GRIN2A: variants seen among roughly 807,000 people sequenced by gnomAD.
The protein encoded by GRIN2A is glutamate receptor ionotropic, NMDA 2A.
A neutral mutation model predicts 113.4 loss-of-function variants in GRIN2A; 22 were observed. The observed-to-expected ratio is 0.19, with a 90% CI of 0.14 to 0.28. GRIN2A has a LOEUF of 0.28. Among genes scored for constraint, GRIN2A ranks in the 10% least tolerant of loss-of-function variants. The pLI is 1.00. For missense variants in GRIN2A, 1,502 were observed against 1,887.0 expected (o/e 0.80, Z 3.78); for synonymous variants, 827 against 738.4 (o/e 1.12, Z -1.94).
chr16:10,127,413 C>T (rs761148279), intron 2 of GRIN2A, among the ~76,000 whole-genome samples: 1 of 152,118 alleles, frequency 6.6e-6, no homozygotes, highest in Non-Finnish European at 1.5e-5. Flanking sequence ...TAAACACTAC[C>T]TCCCTACCCC....
intron 2 of GRIN2A, among the ~76,000 whole-genome samples, chr16:10,023,213 A>G (rs2133754): frequency 0.72 from 109,722 of 152,146 alleles, 41,122 homozygotes; most frequent in Non-Finnish European, 0.84. Flanking sequence ...GCTGCCCCCA[A>G]TGTTCAGCTG....
intron 2 of GRIN2A, among the ~76,000 whole-genome samples, chr16:9,991,918 G>A (rs1236952325): frequency 6.6e-6 from 1 of 152,158 alleles, no homozygotes; most frequent in Non-Finnish European, 1.5e-5. Context: ...TGGGCAAGGG[G>A]AGGGATAGCA....
rs190211242 is a variant in GRIN2A, at chr16:9,827,750, A to G, written c.2007+1673T>C. ...AGCGCTGCAAAAGGGATCCCAGGAG[A>G]TCCAGGTGGGGTATGCACAGTGTCC... On this transcript the variant is annotated intron_variant, in intron 9 of 12. Coordinates refer to ENST00000330684, the MANE Select transcript of GRIN2A (RefSeq NM_001134407.3). Among the ~76,000 whole-genome samples, 29 of 152,268 alleles carry G rather than the reference A, an allele frequency of 1.9e-4. No homozygotes were observed. In the East Asian group the frequency reaches 5.6e-3, roughly 30 times the overall value.
intron 2 of GRIN2A, among the ~76,000 whole-genome samples, chr16:10,073,946 C>T (rs963341960): frequency 8.7e-4 from 127 of 145,278 alleles, no homozygotes; most frequent in African/African-American, 2.9e-3. Context: ...GAAGTGAAAA[C>T]ACGACACACA....
At chr16:9,954,604 A>G (rs939545642) in intron 2 of GRIN2A, among the ~76,000 whole-genome samples, 2 of 152,160 alleles carry the variant, frequency 1.3e-5, no homozygotes, top group African/African-American at 2.4e-5. Context: ...CTCACACAAG[A>G]TGGTGATTAG....
intron 2 of GRIN2A, among the ~76,000 whole-genome samples, chr16:10,084,329 A>G (rs927170131): frequency 2.5e-4 from 38 of 152,268 alleles, no homozygotes; most frequent in African/African-American, 8.7e-4. Flanking sequence ...GGCTGAGCTC[A>G]CAGCCTCATA....
At chr16:9,949,422 G>A (rs1054336268) in intron 2 of GRIN2A, among the ~76,000 whole-genome samples, 5 of 151,922 alleles carry the variant, frequency 3.3e-5, no homozygotes, top group Non-Finnish European at 7.4e-5. Context: ...TGGATGGACA[G>A]GTGGATGGAT....
chr16:10,119,066 A>G (rs1246348927), intron 2 of GRIN2A, among the ~76,000 whole-genome samples: 1 of 152,210 alleles, frequency 6.6e-6, no homozygotes, highest in Non-Finnish European at 1.5e-5. Flanking sequence ...CTGTTCACCA[A>G]CCAGGAACAC....
chr16:10,039,833 G>GAGAGAGAGAGAGAGAGAGAGAGAGAGAC (rs2141954827), intron 2 of GRIN2A, among the ~76,000 whole-genome samples: 1 of 140,534 alleles, frequency 7.1e-6, no homozygotes, highest in East Asian at 2.3e-4. Flanking sequence ...GAGAGAGAGA[G>GAGAGAGAGAGAGAGAGAGAGAGAGAGAC]AGGAGTCCTG....
intron 12 of GRIN2A, among the ~76,000 whole-genome samples, chr16:9,765,837 C>T (rs1429782235): frequency 1.3e-5 from 2 of 152,200 alleles, no homozygotes; most frequent in African/African-American, 2.4e-5. Context: ...GTGACACCGC[C>T]TTTAAATCCA....
intron 2 of GRIN2A, among the ~76,000 whole-genome samples, chr16:10,046,744 T>C (rs1889925831): frequency 6.6e-6 from 1 of 152,156 alleles, no homozygotes; most frequent in African/African-American, 2.4e-5. Flanking sequence ...TCAAATGAGA[T>C]AGTGTGTATG....
rs577598122 is a variant in GRIN2A at position 9,972,919 on chromosome 16, CAG to C, written c.415-34370_415-34369del. 1.0e-3 allele frequency among the ~76,000 whole-genome samples: 155 copies of C among 152,274 alleles called. 5 individuals are homozygous for C. The South Asian group carries it at 0.023, about 22-fold the overall frequency. On this transcript the variant is annotated intron_variant, in intron 2 of 12. Coordinates refer to ENST00000330684, the MANE Select transcript of GRIN2A (RefSeq NM_001134407.3). ...TCAGTTTCCCCAAGAATACAGGGAT[CAG>C]AGTTTTTAAGGATAATTTGGTGGGT...
At chr16:10,090,255 A>T (rs2048161817) in intron 2 of GRIN2A, among the ~76,000 whole-genome samples, 1 of 152,224 alleles carries the variant, frequency 6.6e-6, no homozygotes, top group African/African-American at 2.4e-5. Flanking sequence ...GAAATAGAAA[A>T]ACAATGGTGA....
At chr16:9,865,857 A>G (rs969438961) in intron 4 of GRIN2A, among the ~76,000 whole-genome samples, 2 of 152,380 alleles carry the variant, frequency 1.3e-5, no homozygotes, top group Admixed American at 6.5e-5. Flanking sequence ...GTTGAAAAAA[A>G]TGAAAAGAAT....
Position 9,759,981 on chromosome 16 carries a change from C to T in GRIN2A, c.*3168G>A. ...CTATTACCCATGGACAGAGACCCAA[C>T]CGTTTGCATTCAAGTGTACCTATCT... On this transcript the variant is annotated 3_prime_UTR_variant, in exon 13 of 13. Coordinates refer to ENST00000330684, the MANE Select transcript of GRIN2A (RefSeq NM_001134407.3). 1 of 231,266 alleles carries T rather than the reference C, an allele frequency of 4.3e-6. No homozygotes were observed. Among genetic ancestry groups the T allele is most frequent in the Non-Finnish European group, 8.6e-6 (1 of 116,816 alleles). The allele number at this position is 231,266 out of a possible 1,614,324, so 14.3% of individuals were successfully genotyped here. A position where few individuals can be genotyped will look rare whatever the true frequency, so the allele number is the denominator to read the frequency against.
At chr16:9,929,776 T>C (rs374071046) in intron 3 of GRIN2A, among the ~76,000 whole-genome samples, 13 of 152,326 alleles carry the variant, frequency 8.5e-5, no homozygotes, top group African/African-American at 1.9e-4. Flanking sequence ...CTGGAGGAAA[T>C]AGATCAATGT....
At chr16:10,094,883 C>CAAA (rs58041208) in intron 2 of GRIN2A, among the ~76,000 whole-genome samples, 10,361 of 115,792 alleles carry the variant, frequency 0.089, 629 homozygotes, top group Non-Finnish European at 0.13. Flanking sequence ...GAATGTGCAC[C>CAAA]AAAAAAAAAA....
At chr16:9,972,738 A>T (rs1186108758) in intron 2 of GRIN2A, among the ~76,000 whole-genome samples, 1 of 152,230 alleles carries the variant, frequency 6.6e-6, no homozygotes, top group African/African-American at 2.4e-5. Flanking sequence ...ACAGAGTGAG[A>T]TCTAACATAC....
At chr16:9,978,294 C>T (rs2045816531) in intron 2 of GRIN2A, among the ~76,000 whole-genome samples, 1 of 152,142 alleles carries the variant, frequency 6.6e-6, no homozygotes. Context: ...GTTACAGGGA[C>T]CTGGCTCAGC....
Sources: gnomAD v4.1 joint callset for allele counts (sites outside exome capture counted in the v4.1 genomes callset) on GRCh38, gnomAD v4.1.1 for gene constraint, MANE v1.5 for transcripts, NCBI Gene and HGNC (gene_info 2026-07-23, HGNC 2026-07-21) for gene names.